Variants in CSMD1 observed in about 807,000 individuals in gnomAD.
CSMD1 encodes the protein CUB and sushi domain-containing protein 1.
Under a neutral mutation model 417.5 loss-of-function variants are expected in CSMD1, and 213 were observed. The observed-to-expected ratio is 0.51, with a 90% CI of 0.46 to 0.57. The LOEUF is 0.57. CSMD1 is among the 20% of genes least tolerant of loss of function. The pLI is 0.00. For synonymous variants in CSMD1, 2,862 were observed against 1,736.8 expected (o/e 1.65, Z -16.11); for missense variants, 6,923 against 4,529.7 (o/e 1.53, Z -15.17).
chr8:3,364,488 T>G lies in CSMD1; in HGVS notation c.3115+2544A>C, dbSNP rs367961554. On this transcript the variant is annotated intron_variant, in intron 20 of 69. Coordinates refer to ENST00000635120, the MANE Select transcript of CSMD1 (RefSeq NM_033225.6). ...TTTTATTGTTGTTGGCTTGCTTGTT[T>G]GTGCAAGTAGTTTATAATGACAGTG... Among the ~76,000 whole-genome samples the G allele has an allele frequency of 2.6e-5, 4 of 152,324 alleles. No homozygotes were observed. In the East Asian group the frequency reaches 5.8e-4, roughly 22 times the overall value.
chr8:3,351,863 C>T (rs780509876), intron 21 of CSMD1, among the ~76,000 whole-genome samples: 3 of 151,396 alleles, frequency 2.0e-5, no homozygotes, highest in East Asian at 1.9e-4. Flanking sequence ...ATTTTAAAGA[C>T]GATTAACATA....
intron 3 of CSMD1, among the ~76,000 whole-genome samples, chr8:4,360,953 T>C (rs1222473023): frequency 6.6e-6 from 1 of 152,182 alleles, no homozygotes; most frequent in Non-Finnish European, 1.5e-5. Flanking sequence ...TTCATGGGAC[T>C]TGAGGAATAC....
At chr8:4,237,481 A>G (rs1403828836) in intron 3 of CSMD1, among the ~76,000 whole-genome samples, 2 of 152,076 alleles carry the variant, frequency 1.3e-5, no homozygotes, top group Non-Finnish European at 2.9e-5. Flanking sequence ...ATAAGGTAAT[A>G]TGGCTAAACG....
intron 1 of CSMD1, among the ~76,000 whole-genome samples, chr8:4,980,403 G>T (rs890847726): frequency 4.6e-5 from 7 of 152,182 alleles, no homozygotes; most frequent in African/African-American, 1.7e-4. Context: ...TGGAGAGGCA[G>T]GTCTGGTCTT....
In CSMD1 at chr8:3,218,318, T is replaced by G. The variant is rs1288652433; in HGVS notation, c.4672+937A>C. On this transcript the variant is annotated intron_variant, in intron 29 of 69. Transcript: ENST00000635120. ...GGCTCACGCCTGTAATCGCAGCACT[T>G]TGGGAGGCCGAGGTGGGAGGATCAT... Among the ~76,000 whole-genome samples, 4 of 152,030 alleles carry G rather than the reference T, an allele frequency of 2.6e-5. 1 individual carries two copies. In the East Asian group the frequency reaches 7.7e-4, roughly 29 times the overall value.
chr8:4,408,832 A>T (rs1796486318), intron 3 of CSMD1, among the ~76,000 whole-genome samples: 1 of 152,200 alleles, frequency 6.6e-6, no homozygotes, highest in South Asian at 2.1e-4. Flanking sequence ...GAAACCTTTT[A>T]GACTAACATA....
chr8:3,248,057 G>C (rs1426358325), intron 26 of CSMD1, among the ~76,000 whole-genome samples: 2 of 152,196 alleles, frequency 1.3e-5, no homozygotes, highest in African/African-American at 2.4e-5. Context: ...GCTGTGCAAA[G>C]TGGCTCATGT....
chr8:3,825,209 A>C (rs144543455), intron 5 of CSMD1, among the ~76,000 whole-genome samples: 56 of 152,246 alleles, frequency 3.7e-4, no homozygotes, highest in African/African-American at 1.3e-3. Flanking sequence ...AGGAGTCATA[A>C]AATAAGTGAA....
At chr8:4,161,990 G>T (rs546507602) in intron 3 of CSMD1, among the ~76,000 whole-genome samples, 2 of 152,200 alleles carry the variant, frequency 1.3e-5, no homozygotes, top group African/African-American at 4.8e-5. Context: ...TGGTGGCATT[G>T]TGCCTTTGAC....
At chr8:3,726,613 A>G (rs17067167) in intron 6 of CSMD1, among the ~76,000 whole-genome samples, 2,381 of 152,298 alleles carry the variant, frequency 0.016, 66 homozygotes, top group African/African-American at 0.053. Context: ...TCCCTGTGTT[A>G]CGAGGGTAGG....
At chr8:4,283,266 T>A (rs935963969) in intron 3 of CSMD1, among the ~76,000 whole-genome samples, 3 of 152,224 alleles carry the variant, frequency 2.0e-5, no homozygotes, top group African/African-American at 7.2e-5. Flanking sequence ...TGAAGACTTT[T>A]AATGCACATT....
chr8:4,412,685 A>G (rs10503261), intron 3 of CSMD1, among the ~76,000 whole-genome samples: 4,319 of 152,306 alleles, frequency 0.028, 101 homozygotes, highest in African/African-American at 0.067. Flanking sequence ...TTAAATGTAT[A>G]TTAAGTTCAC....
chr8:4,050,206 T>C (rs995430883), intron 3 of CSMD1, among the ~76,000 whole-genome samples: 3 of 152,120 alleles, frequency 2.0e-5, no homozygotes, highest in African/African-American at 7.2e-5. Context: ...ATCACTTGGC[T>C]AGGGTCGTGT....
At chr8:3,250,557 C>A (rs1800186068) in intron 26 of CSMD1, among the ~76,000 whole-genome samples, 1 of 152,118 alleles carries the variant, frequency 6.6e-6, no homozygotes. Flanking sequence ...GATTTATAGT[C>A]CTTTGTGTAT....
chr8:4,336,737 G>T (rs1258721585), intron 3 of CSMD1, among the ~76,000 whole-genome samples: 1 of 152,116 alleles, frequency 6.6e-6, no homozygotes, highest in Non-Finnish European at 1.5e-5. Context: ...ATTACTCTGA[G>T]TTACTTGGTG....
At chr8:3,281,596 C>T (rs1168688614) in intron 26 of CSMD1, among the ~76,000 whole-genome samples, 6 of 152,166 alleles carry the variant, frequency 3.9e-5, no homozygotes, top group South Asian at 4.2e-4. Flanking sequence ...CCACACACTG[C>T]GTGATTCTAA....
intron 48 of CSMD1, among the ~76,000 whole-genome samples, chr8:3,090,524 T>C (rs946601489): frequency 1.3e-4 from 20 of 152,144 alleles, no homozygotes; most frequent in Admixed American, 1.3e-3. Context: ...CTTTTTACCA[T>C]TTTATATGTC....
chr8:4,219,508 A>G (rs1463243492), intron 3 of CSMD1, among the ~76,000 whole-genome samples: 2 of 152,132 alleles, frequency 1.3e-5, no homozygotes, highest in East Asian at 1.9e-4. Flanking sequence ...TGTTCCCAAC[A>G]TTTCTCGTGA....
chr8:4,693,187 T>C (rs906534237), intron 1 of CSMD1, among the ~76,000 whole-genome samples: 1 of 152,196 alleles, frequency 6.6e-6, no homozygotes, highest in South Asian at 2.1e-4. Flanking sequence ...AGTGTTTCAG[T>C]AATGAAATGT....
Sources: gnomAD v4.1 joint callset for allele counts (sites outside exome capture counted in the v4.1 genomes callset) on GRCh38, gnomAD v4.1.1 for gene constraint, MANE v1.5 for transcripts, NCBI Gene and HGNC (gene_info 2026-07-23, HGNC 2026-07-21) for gene names.